Variants in KCNIP4 observed in about 807,000 individuals in gnomAD.
The protein encoded by KCNIP4 is potassium voltage-gated channel interacting protein 4.
KCNIP4 carries 12 observed loss-of-function variants against 34.0 expected under a neutral mutation model. That is an observed-to-expected ratio of 0.35 (90% confidence interval 0.23 to 0.57). The LOEUF is 0.57. KCNIP4 is among the 20% of genes least tolerant of loss of function. The probability of loss-of-function intolerance (pLI) is 0.83; values close to 1 mark genes in which losing one functional copy is unlikely to be tolerated. For missense variants in KCNIP4, 238 were observed against 311.7 expected, an observed-to-expected ratio of 0.76 and a Z score of 1.78; for synonymous variants, 124 against 102.2, an observed-to-expected ratio of 1.21 and a Z score of -1.29.
chr4:21,901,204 A>C (rs1393175310), intron 1 of KCNIP4, among the ~76,000 whole-genome samples: 2 of 152,210 alleles, frequency 1.3e-5, no homozygotes, highest in Non-Finnish European at 2.9e-5. Flanking sequence ...GTGAAGTGCA[A>C]AGTGAGGGGG....
intron 1 of KCNIP4, among the ~76,000 whole-genome samples, chr4:20,936,084 T>G (rs965480902): frequency 1.5e-5 from 2 of 133,748 alleles, no homozygotes; most frequent in Non-Finnish European, 3.1e-5. Context: ...AAAGATACAG[T>G]TTTTTTTTTA....
At chr4:21,386,388 T>C (rs1319106648) in intron 1 of KCNIP4, among the ~76,000 whole-genome samples, 2 of 152,100 alleles carry the variant, frequency 1.3e-5, no homozygotes, top group African/African-American at 4.8e-5. Flanking sequence ...CCACTGTTTA[T>C]ATTCCAACCA....
intron 1 of KCNIP4, among the ~76,000 whole-genome samples, chr4:21,890,849 G>C (rs925277527): frequency 1.3e-5 from 2 of 152,228 alleles, no homozygotes; most frequent in Middle Eastern, 3.4e-3. Context: ...AGCTGAAGAA[G>C]AAACCCAAAG....
chr4:21,143,277 C>T (rs1418926726), intron 1 of KCNIP4, among the ~76,000 whole-genome samples: 4 of 152,234 alleles, frequency 2.6e-5, no homozygotes, highest in East Asian at 3.9e-4. Context: ...ACAGAAAGAT[C>T]CAAAGCAAGA....
intron 1 of KCNIP4, among the ~76,000 whole-genome samples, chr4:21,357,624 A>G (rs1718771547): frequency 6.6e-6 from 1 of 152,202 alleles, no homozygotes. Flanking sequence ...ATGAGATACC[A>G]TCTCATACCA....
chr4:20,823,312 T>G (rs1453064171), intron 3 of KCNIP4, among the ~76,000 whole-genome samples: 1 of 152,036 alleles, frequency 6.6e-6, no homozygotes, highest in Non-Finnish European at 1.5e-5. Flanking sequence ...GTAATGCAAA[T>G]GAAATAAAAT....
At chr4:21,064,662 C>T (rs563500514) in intron 1 of KCNIP4, among the ~76,000 whole-genome samples, 19 of 152,154 alleles carry the variant, frequency 1.2e-4, no homozygotes, top group African/African-American at 4.1e-4. Context: ...TAAATAAGTG[C>T]TCAATAATTG....
chr4:21,308,759 G>A lies in KCNIP4; in HGVS notation c.62-426050C>T, dbSNP rs138487876. On this transcript the variant is annotated intron_variant, in intron 1 of 8. Coordinates refer to ENST00000382152, the MANE Select transcript of KCNIP4 (RefSeq NM_025221.6). ...GTGTGTAGCAGATAAGTATGAAGCG[G>A]CAGTGAGAGAAAAGGGACACTGTTG... Among the ~76,000 whole-genome samples, 285 of 151,932 alleles carry A rather than the reference G, an allele frequency of 1.9e-3. 2 individuals are homozygous for A. The highest frequency in any genetic ancestry group is 6.5e-3 in the African/African-American group (270 of 41,448).
chr4:21,221,348 G>A (rs548276316), intron 1 of KCNIP4, among the ~76,000 whole-genome samples: 1 of 152,268 alleles, frequency 6.6e-6, no homozygotes, highest in South Asian at 2.1e-4. Flanking sequence ...AACTGCCTGA[G>A]ATGGGGTAAT....
At chr4:21,634,171 T>C in intron 1 of KCNIP4, among the ~76,000 whole-genome samples, 1 of 150,046 alleles carries the variant, frequency 6.7e-6, no homozygotes, top group East Asian at 2.0e-4. Flanking sequence ...AGTTACTATG[T>C]TATCCACTAT....
intron 1 of KCNIP4, among the ~76,000 whole-genome samples, chr4:21,185,226 CTT>C (rs1280776388): frequency 1.3e-5 from 2 of 152,138 alleles, no homozygotes; most frequent in East Asian, 3.9e-4. Context: ...TTTGGAGTAG[CTT>C]TTGTCTTAAG....
At chr4:21,884,147 A>G (rs1726622601) in intron 1 of KCNIP4, among the ~76,000 whole-genome samples, 1 of 152,162 alleles carries the variant, frequency 6.6e-6, no homozygotes, top group Non-Finnish European at 1.5e-5. Flanking sequence ...TTTTAGGATG[A>G]TAATAAGCCC....
At chr4:20,865,396 G>A (rs949596119) in intron 2 of KCNIP4, among the ~76,000 whole-genome samples, 1 of 152,156 alleles carries the variant, frequency 6.6e-6, no homozygotes, top group South Asian at 2.1e-4. Context: ...TAACAGAAAT[G>A]TGATACATTT....
At chr4:21,836,445 A>AT (rs1427181787) in intron 1 of KCNIP4, among the ~76,000 whole-genome samples, 2 of 151,972 alleles carry the variant, frequency 1.3e-5, no homozygotes, top group East Asian at 3.9e-4. Context: ...GAGATGTCCT[A>AT]TTTTTTTCCA....
intron 1 of KCNIP4, among the ~76,000 whole-genome samples, chr4:20,913,340 A>G (rs895855822): frequency 3.3e-5 from 5 of 152,196 alleles, no homozygotes; most frequent in Non-Finnish European, 4.4e-5. Flanking sequence ...AGGAAAATCC[A>G]TAAAGATAGA....
At chr4:21,751,761 G>T (rs1717165903) in intron 1 of KCNIP4, among the ~76,000 whole-genome samples, 1 of 152,098 alleles carries the variant, frequency 6.6e-6, no homozygotes, top group Non-Finnish European at 1.5e-5. Flanking sequence ...TCACAACTGG[G>T]TTGAACACAG....
intron 1 of KCNIP4, among the ~76,000 whole-genome samples, chr4:21,794,478 AG>A (rs984275093): frequency 6.6e-6 from 1 of 152,166 alleles, no homozygotes; most frequent in Non-Finnish European, 1.5e-5. Flanking sequence ...AAGCCATCTG[AG>A]TATGTAGAGC....
At chr4:21,821,817 T>G (rs948483969) in intron 1 of KCNIP4, among the ~76,000 whole-genome samples, 8 of 152,156 alleles carry the variant, frequency 5.3e-5, no homozygotes, top group East Asian at 1.9e-4. Context: ...TTGAAAATTT[T>G]ATACCCTATT....
At chr4:21,302,502 G>A (rs1264776077) in intron 1 of KCNIP4, among the ~76,000 whole-genome samples, 1 of 152,192 alleles carries the variant, frequency 6.6e-6, no homozygotes. Flanking sequence ...CAAATGAACA[G>A]AGAAGCCAAA....
Sources: allele counts gnomAD v4.1 joint callset (sites outside exome capture counted in the v4.1 genomes callset), GRCh38; gene constraint gnomAD v4.1.1; transcripts MANE v1.5; gene names NCBI Gene and HGNC (gene_info 2026-07-23, HGNC 2026-07-21).